TAX1BP1: variants seen among roughly 807,000 people sequenced by gnomAD.
TAX1BP1 encodes tax1-binding protein 1.
A neutral mutation model predicts 97.7 loss-of-function variants in TAX1BP1; 62 were observed. That is an observed-to-expected ratio of 0.63 (90% CI 0.52 to 0.78). The LOEUF is 0.78. Among genes scored for constraint, TAX1BP1 ranks in the 30% least tolerant of loss-of-function variants. TAX1BP1 has a pLI of 0.00. For synonymous variants in TAX1BP1, 340 were observed against 304.2 expected (o/e 1.12, Z -1.23); for missense variants, 867 against 916.1 (o/e 0.95, Z 0.69).
chr7:27,785,900 TAAC>T (rs1789460291), intron 7 of TAX1BP1, among the ~76,000 whole-genome samples: 1 of 152,170 alleles, frequency 6.6e-6, no homozygotes, highest in African/African-American at 2.4e-5. Context: ...TTTAGATACT[TAAC>T]AGGTAGTGTG....
intron 5 of TAX1BP1, among the ~76,000 whole-genome samples, chr7:27,778,898 G>A (rs1008560439): frequency 4.7e-5 from 7 of 149,890 alleles, no homozygotes; most frequent in Admixed American, 2.0e-4. Context: ...ATGGTTTTTT[G>A]TATATTTATA....
intron 13 of TAX1BP1, among the ~76,000 whole-genome samples, chr7:27,803,537 C>T (rs1015256400): frequency 5.3e-5 from 8 of 152,184 alleles, no homozygotes; most frequent in African/African-American, 1.9e-4. Flanking sequence ...AATACTACAA[C>T]ATTATTTGAT....
chr7:27,824,570 A>AG, intron 15 of TAX1BP1, among the ~76,000 whole-genome samples: 1 of 151,782 alleles, frequency 6.6e-6, no homozygotes. Context: ...AAAAAAAAAA[A>AG]AAATTACTGT....
chr7:27,805,252 A>G (rs1790292232), intron 13 of TAX1BP1, among the ~76,000 whole-genome samples: 1 of 152,214 alleles, frequency 6.6e-6, no homozygotes. Context: ...TTGCATCTCT[A>G]TTATGAGCAA....
chr7:27,811,787 A>G (rs954627184), intron 13 of TAX1BP1, among the ~76,000 whole-genome samples: 2 of 152,116 alleles, frequency 1.3e-5, no homozygotes, highest in African/African-American at 4.8e-5. Flanking sequence ...CCTGTCCTAG[A>G]AAACCTCTGG....
intron 9 of TAX1BP1, 56 bp from the exon 10 acceptor site, chr7:27,793,010 A>G (rs1334643140): frequency 1.9e-5 from 27 of 1,449,492 alleles, no homozygotes; most frequent in Non-Finnish European, 2.3e-5. Context: ...GGTTACTATT[A>G]ACATTAGGAG....
intron 5 of TAX1BP1, among the ~76,000 whole-genome samples, chr7:27,778,683 T>C (rs1358396817): frequency 6.6e-6 from 1 of 152,154 alleles, no homozygotes; most frequent in African/African-American, 2.4e-5. Context: ...GCCAACATGG[T>C]GAAACCTCGT....
chr7:27,796,511 G>A (rs1004269831), intron 12 of TAX1BP1, among the ~76,000 whole-genome samples: 2 of 152,130 alleles, frequency 1.3e-5, no homozygotes, highest in Non-Finnish European at 2.9e-5. Flanking sequence ...ATCTGTCATC[G>A]TATAAAGATG....
chr7:27,805,349 T>TA (rs1233063022), intron 13 of TAX1BP1, among the ~76,000 whole-genome samples: 1 of 152,206 alleles, frequency 6.6e-6, no homozygotes, highest in African/African-American at 2.4e-5. Flanking sequence ...TATATATATA[T>TA]TTTTCCCCTA....
intron 13 of TAX1BP1, among the ~76,000 whole-genome samples, chr7:27,800,627 A>G (rs1051842772): frequency 5.9e-5 from 9 of 152,188 alleles, no homozygotes; most frequent in African/African-American, 1.9e-4. Flanking sequence ...TTGGAGTACA[A>G]TAATATGTCA....
intron 2 of TAX1BP1, 97 bp from the exon 3 acceptor site, chr7:27,757,934 T>C: frequency 1.6e-6 from 1 of 638,440 alleles, no homozygotes. Context: ...TAAATGTATA[T>C]TTTAACTGTA....
At chr7:27,767,318 A>G (rs922237223) in intron 4 of TAX1BP1, among the ~76,000 whole-genome samples, 2 of 152,112 alleles carry the variant, frequency 1.3e-5, no homozygotes, top group Non-Finnish European at 2.9e-5. Context: ...TTTTTTTAAC[A>G]TGTAAATATT....
chr7:27,762,245 T>C (rs1788456884), intron 3 of TAX1BP1, among the ~76,000 whole-genome samples: 2 of 152,230 alleles, frequency 1.3e-5, no homozygotes, highest in Non-Finnish European at 2.9e-5. Flanking sequence ...AAGTTATATA[T>C]GTAGTTTATC....
At chr7:27,794,532 A>G in intron 11 of TAX1BP1, 86 bp downstream of exon 11, 2 of 1,376,484 alleles carry the variant, frequency 1.5e-6, no homozygotes, top group Non-Finnish European at 1.9e-6. Flanking sequence ...GAATTTCAGG[A>G]TGTTCATAAA....
At chr7:27,755,609 C>G (rs895760535) in intron 2 of TAX1BP1, among the ~76,000 whole-genome samples, 1 of 152,168 alleles carries the variant, frequency 6.6e-6, no homozygotes, top group Non-Finnish European at 1.5e-5. Context: ...TTAAAAGGAA[C>G]ACTTTGTGGC....
chr7:27,794,890 G>T (rs946235726), intron 11 of TAX1BP1, among the ~76,000 whole-genome samples: 10 of 151,730 alleles, frequency 6.6e-5, no homozygotes, highest in African/African-American at 2.4e-4. Context: ...TTTATTTTTG[G>T]CTGCTTTGGA....
chr7:27,760,710 G>A (rs930842717), intron 3 of TAX1BP1, among the ~76,000 whole-genome samples: 2 of 152,122 alleles, frequency 1.3e-5, no homozygotes, highest in African/African-American at 4.8e-5. Flanking sequence ...TTTTTACAGT[G>A]ATCCCTCCCT....
chr7:27,771,613 A>G (rs1236791985), intron 5 of TAX1BP1, among the ~76,000 whole-genome samples: 1 of 152,024 alleles, frequency 6.6e-6, no homozygotes, highest in Non-Finnish European at 1.5e-5. Flanking sequence ...CTAAAGTGGT[A>G]GACTGAGGTC....
At chr7:27,787,391 T>C in intron 7 of TAX1BP1, 27 bp from the exon 8 acceptor site, 1 of 1,559,088 alleles carries the variant, frequency 6.4e-7, no homozygotes, top group Non-Finnish European at 8.7e-7. Flanking sequence ...GTTAGAATAT[T>C]CTTGACATTT....
Sources: gnomAD v4.1 joint callset for allele counts (sites outside exome capture counted in the v4.1 genomes callset) on GRCh38, gnomAD v4.1.1 for gene constraint, MANE v1.5 for transcripts, NCBI Gene and HGNC (gene_info 2026-07-23, HGNC 2026-07-21) for gene names.